Variants in RBKS observed in about 807,000 individuals in gnomAD.
RBKS encodes the protein ribokinase.
In RBKS, 33 loss-of-function variants were observed where a neutral mutation model predicts 33.9. That is an observed-to-expected ratio of 0.97 (90% CI 0.74 to 1.30). The LOEUF is 1.30. Among genes scored for constraint, RBKS ranks in the 50% most tolerant of loss-of-function variants. The pLI, the probability that RBKS is intolerant of heterozygous loss-of-function variation, is 0.00. For missense variants in RBKS, 361 were observed against 392.6 expected, an observed-to-expected ratio of 0.92 and a Z score of 0.68; for synonymous variants, 125 against 143.0, an observed-to-expected ratio of 0.87 and a Z score of 0.90.
rs769380677 is a variant in RBKS, at chr2:27,781,682, C to CT, written c.901dup (p.Ser301LysfsTer46). 20 of 1,614,074 alleles carry CT rather than the reference C, an allele frequency of 1.2e-5. No homozygotes were observed. In the East Asian group the frequency reaches 4.2e-4, roughly 34 times the overall value. On this transcript the variant is annotated frameshift_variant, in exon 8 of 8. Coordinates refer to ENST00000302188, the MANE Select transcript of RBKS (RefSeq NM_022128.3). LOFTEE classifies it high-confidence loss of function. ...TGACTGTGTTCCTGCAGCCTGGACA[C>CT]TGACTGCTGCAATGAAATTGGATCT...
chr2:27,840,327 T>TACACACACACAC (rs544313433), intron 5 of RBKS, among the ~76,000 whole-genome samples: 18,220 of 117,762 alleles, frequency 0.15, 2,217 homozygotes, highest in East Asian at 0.48. Context: ...GATGATGCAT[T>TACACACACACAC]ACACACACAC....
rs1006842180 is a variant in RBKS at position 27,837,252 on chromosome 2, C to T, written c.515-4475G>A. ...TCGTGCCACTGCACTCCAGCCTGGGCGATAGAGCGAGACTCCATCTCAAAA... is the reference window on the plus strand; with the variant it reads ...TCGTGCCACTGCACTCCAGCCTGGGTGATAGAGCGAGACTCCATCTCAAAA... On this transcript the variant is annotated intron_variant, in intron 5 of 7. Coordinates refer to ENST00000302188, the MANE Select transcript of RBKS (RefSeq NM_022128.3). The surrounding 1 kb of genome is among the most constrained non-coding windows in gnomAD (Gnocchi z 4.0). Among the ~76,000 whole-genome samples the T allele has an allele frequency of 8.6e-5, 13 of 150,834 alleles. No homozygotes were observed. The highest frequency in any genetic ancestry group is 2.6e-4 in the Admixed American group (4 of 15,208).
At chr2:27,883,478 C>T (rs1033302010) in intron 1 of RBKS, among the ~76,000 whole-genome samples, 6 of 152,054 alleles carry the variant, frequency 3.9e-5, no homozygotes, top group South Asian at 2.1e-4. Context: ...GGATTACAGG[C>T]GTGAGACACC....
intron 7 of RBKS, among the ~76,000 whole-genome samples, chr2:27,818,182 T>A (rs1317733797): frequency 2.0e-5 from 3 of 152,212 alleles, no homozygotes; most frequent in African/African-American, 7.2e-5. Context: ...TATATAGGGA[T>A]GTACTAGTAA....
intron 7 of RBKS, among the ~76,000 whole-genome samples, chr2:27,801,950 G>GA (rs1217494223): frequency 0.015 from 588 of 40,454 alleles, 15 homozygotes; most frequent in African/African-American, 0.027. Context: ...AGTAGCTGGG[G>GA]AAAAAAAAAA....
intron 6 of RBKS, among the ~76,000 whole-genome samples, chr2:27,832,105 C>A (rs1364769034): frequency 6.6e-6 from 1 of 150,862 alleles, no homozygotes; most frequent in Non-Finnish European, 1.5e-5. Flanking sequence ...GTACAATATC[C>A]TTTCTTATTG....
At chr2:27,787,145 C>T (rs1010297626) in intron 7 of RBKS, among the ~76,000 whole-genome samples, 7 of 152,334 alleles carry the variant, frequency 4.6e-5, no homozygotes, top group South Asian at 2.1e-4. Flanking sequence ...TGCACCACCA[C>T]ACCCAGCTAA....
intron 7 of RBKS, among the ~76,000 whole-genome samples, chr2:27,805,552 C>T (rs1677880153): frequency 6.6e-6 from 1 of 152,122 alleles, no homozygotes; most frequent in South Asian, 2.1e-4. Context: ...AGTTTGAAAA[C>T]TGATATATTT....
At position 27,810,787 on chromosome 2, in the gene RBKS, A is replaced by C. The variant is rs1277036477; in HGVS notation, c.795+16780T>G. ...CACTTCCCTAGTCCAGGCTGCCACCATCTCTCACCCAGATCAATACGACAG... is the reference window on the plus strand; with the variant it reads ...CACTTCCCTAGTCCAGGCTGCCACCCTCTCTCACCCAGATCAATACGACAG... On this transcript the variant is annotated intron_variant, in intron 7 of 7. Transcript: ENST00000302188. This position sits in a 1 kb window ranked among gnomAD's most constrained non-coding sequence, Gnocchi z 4.4. Among the ~76,000 whole-genome samples, 2 of 152,072 alleles carry C rather than the reference A, an allele frequency of 1.3e-5. No individual in the cohort carries two copies. The highest frequency in any genetic ancestry group is 6.6e-5 in the Admixed American group (1 of 15,262).
intron 1 of RBKS, among the ~76,000 whole-genome samples, chr2:27,878,541 T>C (rs1307774482): frequency 6.6e-6 from 1 of 152,196 alleles, no homozygotes; most frequent in Admixed American, 6.5e-5. Context: ...TTTGGATATA[T>C]ACCCAGTAAT....
At chr2:27,889,007 A>G (rs913772476) in intron 1 of RBKS, among the ~76,000 whole-genome samples, 2 of 152,228 alleles carry the variant, frequency 1.3e-5, no homozygotes. Context: ...ATATTTGTGG[A>G]AAAATAAAGG....
At chr2:27,884,366 GC>G (rs202058574) in intron 1 of RBKS, among the ~76,000 whole-genome samples, 1,608 of 152,096 alleles carry the variant, frequency 0.011, 21 homozygotes, top group African/African-American at 0.037. Flanking sequence ...TCCCACCTCA[GC>G]CCCCCAGTAG....
intron 1 of RBKS, among the ~76,000 whole-genome samples, chr2:27,877,735 C>T (rs974760184): frequency 1.3e-5 from 2 of 152,182 alleles, no homozygotes; most frequent in African/African-American, 4.8e-5. Flanking sequence ...TTGATTCATG[C>T]CCACTTTACT....
chr2:27,833,587 C>T (rs1006882235), intron 5 of RBKS, among the ~76,000 whole-genome samples: 6 of 152,060 alleles, frequency 3.9e-5, no homozygotes, highest in Non-Finnish European at 8.8e-5. Context: ...CATTGGGACA[C>T]AATTAAGATG....
Position 27,806,818 on chromosome 2 carries a change from C to T in RBKS, c.795+20749G>A, listed in dbSNP as rs548959853. Among the ~76,000 whole-genome samples, 8 of 152,242 alleles carry T rather than the reference C, an allele frequency of 5.3e-5. No individual in the cohort carries two copies. In the South Asian group the frequency reaches 1.2e-3, roughly 24 times the overall value. On this transcript the variant is annotated intron_variant, in intron 7 of 7. Coordinates refer to ENST00000302188, the MANE Select transcript of RBKS (RefSeq NM_022128.3). Reference sequence around the variant, plus strand: ...TCGCCTGGAGGGTTTGTTAAAACACCGACTGCTGGGCTCCATCCCCAAAGT... The same window carrying T: ...TCGCCTGGAGGGTTTGTTAAAACACTGACTGCTGGGCTCCATCCCCAAAGT...
chr2:27,833,714 A>G (rs1678466452), intron 5 of RBKS, among the ~76,000 whole-genome samples: 1 of 152,200 alleles, frequency 6.6e-6, no homozygotes, highest in Non-Finnish European at 1.5e-5. Flanking sequence ...CCAATTCACA[A>G]TATTTTAAAA....
chr2:27,801,532 G>A (rs558310249), intron 7 of RBKS, among the ~76,000 whole-genome samples: 3 of 149,720 alleles, frequency 2.0e-5, no homozygotes, highest in Non-Finnish European at 4.4e-5. Flanking sequence ...ATGATGGTTC[G>A]ACTTATAATT....
At chr2:27,875,879 T>C (rs547219228) in intron 1 of RBKS, among the ~76,000 whole-genome samples, 3 of 151,916 alleles carry the variant, frequency 2.0e-5, no homozygotes, top group South Asian at 2.1e-4. Context: ...ATGACAGATA[T>C]ACATACATAT....
chr2:27,889,049 T>C (rs1043495359), intron 1 of RBKS, among the ~76,000 whole-genome samples: 1 of 152,252 alleles, frequency 6.6e-6, no homozygotes, highest in Non-Finnish European at 1.5e-5. Flanking sequence ...TTGTTGCTTC[T>C]TCTCGTTACA....
Sources: allele counts gnomAD v4.1 joint callset (sites outside exome capture counted in the v4.1 genomes callset), GRCh38; gene constraint gnomAD v4.1.1; non-coding constraint Gnocchi (gnomAD v3.1); transcripts MANE v1.5; gene names NCBI Gene and HGNC (gene_info 2026-07-23, HGNC 2026-07-21).